Variants in CRTC1 observed in about 807,000 individuals in gnomAD.
CRTC1 encodes CREB-regulated transcription coactivator 1.
A neutral mutation model predicts 66.1 loss-of-function variants in CRTC1; 18 were observed. The observed-to-expected ratio is 0.27, with a 90% confidence interval of 0.19 to 0.40. The LOEUF (loss-of-function observed/expected upper bound fraction) is 0.40, where lower values mean the gene tolerates loss of function less well. CRTC1 is among the 10% of genes least tolerant of loss of function. The pLI, the probability that CRTC1 is intolerant of heterozygous loss-of-function variation, is 1.00. For missense variants in CRTC1, 669 were observed against 887.9 expected (o/e 0.75, Z 3.13); for synonymous variants, 416 against 398.8 (o/e 1.04, Z -0.51).
Position 18,745,928 on chromosome 19 carries a change from C to G in CRTC1, c.349C>G (p.Arg117Gly). The change falls in exon 3 of 14, where the codon CGG (arginine) becomes GGG (glycine). Residue 117 changes from arginine to glycine, a missense_variant. By Grantham distance (125) the Arg-to-Gly change is moderately radical (BLOSUM62 -2). This residue lies in a region of CRTC1 where 214 missense variants were observed against 323.4 expected (regional missense o/e 0.66). Transcript: ENST00000321949. ...ERGRLGSPHR[R>G]PLSVDKHGRQ... ...TGGCCGGCTCGGCTCCCCACACCGC[C>G]GGCCCCTGTCAGTGGACAAACACGG... is the stretch of plus-strand genomic sequence containing the variant. The G allele has an allele frequency of 1.2e-6, 2 of 1,612,528 alleles. No individual in the cohort carries two copies. Among genetic ancestry groups the G allele is most frequent in the Non-Finnish European group, 1.7e-6 (2 of 1,179,316 alleles).
chr19:18,757,888 G>A (rs1013159297), intron 6 of CRTC1, among the ~76,000 whole-genome samples: 22 of 150,470 alleles, frequency 1.5e-4, no homozygotes, highest in Non-Finnish European at 2.8e-4. Flanking sequence ...CGTGGTGGCG[G>A]GTGCCTGTAG....
chr19:18,690,007 G>T (rs1406772217), intron 1 of CRTC1, among the ~76,000 whole-genome samples: 1 of 151,678 alleles, frequency 6.6e-6, no homozygotes, highest in South Asian at 2.1e-4. Context: ...GCTGGAGCAA[G>T]GGGGTGACAG....
chr19:18,777,470 C>T lies in CRTC1; in HGVS notation c.*88C>T, dbSNP rs754665024. 31 of 1,257,188 alleles carry T rather than the reference C, an allele frequency of 2.5e-5. No homozygotes were observed. Among genetic ancestry groups the T allele is most frequent in the African/African-American group, 2.2e-4 (15 of 68,184 alleles). The allele number at this position is 1,257,188 out of a possible 1,614,324, so 77.9% of individuals were successfully genotyped here. On this transcript the variant is annotated 3_prime_UTR_variant, in exon 14 of 14. Coordinates refer to ENST00000321949, the MANE Select transcript of CRTC1 (RefSeq NM_015321.3). The surrounding 1 kb of genome is among the most constrained non-coding windows in gnomAD (Gnocchi z 5.5). ...CCGTGCTCCGTCCCTCGCCAACGGC[C>T]GAGCTTGTGATTCTGAGCTTGCAAT...
Position 18,765,385 on chromosome 19 carries a change from C to G in CRTC1, c.887-19C>G. On this transcript the variant is annotated intron_variant, in intron 8 of 13. Coordinates refer to ENST00000321949, the MANE Select transcript of CRTC1 (RefSeq NM_015321.3). ...ATCAGTCTCACACCTGCTCTCCCTC[C>G]CTCCTACTTCCTCTCTAGGAATGAG... The G allele has an allele frequency of 6.2e-7, 1 of 1,602,050 alleles. No homozygotes were observed.
chr19:18,741,102 G>T lies in CRTC1; in HGVS notation c.127-1808G>T, dbSNP rs1340072679. Among the ~76,000 whole-genome samples, 1 of 152,248 alleles carries T rather than the reference G, an allele frequency of 6.6e-6. No homozygotes were observed. The highest frequency in any genetic ancestry group is 1.5e-5 in the Non-Finnish European group (1 of 68,044). The stretch of plus-strand genomic sequence containing the variant: ...AGGGGCTGTGCTCCGAAGCCTGAGT[G>T]CCTCCAGCAAAGTGGACAGGAGCTG... On this transcript the variant is annotated intron_variant, in intron 1 of 13. Coordinates refer to ENST00000321949, the MANE Select transcript of CRTC1 (RefSeq NM_015321.3). This position sits in a 1 kb window ranked among gnomAD's most constrained non-coding sequence, Gnocchi z 4.2.
chr19:18,754,802 T>C (rs1050876549), intron 6 of CRTC1, among the ~76,000 whole-genome samples: 21 of 152,260 alleles, frequency 1.4e-4, no homozygotes, highest in African/African-American at 5.1e-4. Context: ...GCATAAAACT[T>C]GCAGAGATGC....
intron 1 of CRTC1, among the ~76,000 whole-genome samples, chr19:18,719,526 A>C (rs1027678323): frequency 2.0e-5 from 3 of 152,238 alleles, no homozygotes; most frequent in Non-Finnish European, 2.9e-5. Context: ...TGTCTAAAAA[A>C]TGGAGCATAA....
At chr19:18,709,171 C>T (rs894059526) in intron 1 of CRTC1, among the ~76,000 whole-genome samples, 11 of 152,158 alleles carry the variant, frequency 7.2e-5, no homozygotes, top group African/African-American at 2.7e-4. Context: ...GTGGGCAGAG[C>T]AGCTGCAGAG....
At chr19:18,742,399 G>T (rs1487054370) in intron 1 of CRTC1, among the ~76,000 whole-genome samples, 1 of 152,204 alleles carries the variant, frequency 6.6e-6, no homozygotes, top group South Asian at 2.1e-4. Context: ...TGACTTGGCT[G>T]CCCTGGCTCT....
chr19:18,691,274 G>A (rs2052828866), intron 1 of CRTC1, among the ~76,000 whole-genome samples: 1 of 151,874 alleles, frequency 6.6e-6, no homozygotes, highest in Non-Finnish European at 1.5e-5. Context: ...CCAACATTTT[G>A]AGAGGCTGAG....
Position 18,780,990 on chromosome 19 carries a change from G to C in CRTC1, c.*3608G>C, listed in dbSNP as rs948512384. ...ATTTCCAAGGAGCCCTCCGACCAGG[G>C]AGAGGCTGGTGGAGTAAGGTCCAGC... On this transcript the variant is annotated 3_prime_UTR_variant, in exon 14 of 14. Coordinates refer to ENST00000321949, the MANE Select transcript of CRTC1 (RefSeq NM_015321.3). 1 of 225,092 alleles carries C rather than the reference G, an allele frequency of 4.4e-6. No homozygotes were observed. The highest frequency in any genetic ancestry group is 5.7e-5 in the Admixed American group (1 of 17,494). The allele number at this position is 225,092 out of a possible 1,614,324, so 13.9% of individuals were successfully genotyped here.
At chr19:18,706,134 C>T (rs1555777098) in intron 1 of CRTC1, among the ~76,000 whole-genome samples, 1 of 137,636 alleles carries the variant, frequency 7.3e-6, no homozygotes, top group Non-Finnish European at 1.5e-5. Flanking sequence ...ATCACTTGAC[C>T]ATATATGTGA....
At chr19:18,690,824 G>A (rs2052812555) in intron 1 of CRTC1, among the ~76,000 whole-genome samples, 2 of 151,874 alleles carry the variant, frequency 1.3e-5, no homozygotes, top group Non-Finnish European at 2.9e-5. Flanking sequence ...AGGAGATCGA[G>A]ACCATCCTGG....
chr19:18,763,585 T>C (rs566975933), intron 8 of CRTC1, among the ~76,000 whole-genome samples: 19 of 152,346 alleles, frequency 1.2e-4, no homozygotes, highest in Admixed American at 7.8e-4. Context: ...TGTTAAGTGA[T>C]GCTTGACTGT....
chr19:18,704,794 G>T (rs1457900031), intron 1 of CRTC1, among the ~76,000 whole-genome samples: 1 of 152,154 alleles, frequency 6.6e-6, no homozygotes, highest in Non-Finnish European at 1.5e-5. Flanking sequence ...GTGGCATTTA[G>T]TAAGTATCCT....
At chr19:18,701,217 G>T (rs957777237) in intron 1 of CRTC1, among the ~76,000 whole-genome samples, 2 of 152,258 alleles carry the variant, frequency 1.3e-5, no homozygotes, top group African/African-American at 4.8e-5. Flanking sequence ...CGCCCCCAGA[G>T]CCCGGGGCTC....
intron 4 of CRTC1, 45 bp from the exon 5 acceptor site, chr19:18,749,736 C>G (rs1426121604): frequency 6.6e-7 from 1 of 1,513,010 alleles, no homozygotes; most frequent in Non-Finnish European, 9.2e-7. Context: ...ATCGCATTGT[C>G]TGCCTTGGGC....
At chr19:18,754,830 C>A (rs2054448633) in intron 6 of CRTC1, among the ~76,000 whole-genome samples, 1 of 152,186 alleles carries the variant, frequency 6.6e-6, no homozygotes, top group Non-Finnish European at 1.5e-5. Flanking sequence ...CAGATACCAG[C>A]AGGCAGACCT....
rs758964812 is a variant in CRTC1 at position 18,771,680 on chromosome 19, G to A, written c.1425+134G>A. 4.6e-5 allele frequency: 33 copies of A among 721,760 alleles called. No individual in the cohort carries two copies. Among genetic ancestry groups the A allele is most frequent in the Admixed American group, 7.1e-5 (3 of 42,460 alleles). 44.7% of individuals were successfully genotyped at this position (721,760 alleles called of 1,614,324 possible). ...TCCTCATGCATCCCATCCCGTCCAC[G>A]CCATCGGACCTGAGCTGTGCACCTA... is the stretch of plus-strand genomic sequence containing the variant. On this transcript the variant is annotated intron_variant, in intron 11 of 13. Transcript: ENST00000321949. The surrounding 1 kb of genome is among the most constrained non-coding windows in gnomAD (Gnocchi z 4.6).
Sources: gnomAD v4.1 joint callset for allele counts (sites outside exome capture counted in the v4.1 genomes callset) on GRCh38, gnomAD v4.1.1 for gene constraint, gnomAD v4.1.1 regional missense constraint, Gnocchi (gnomAD v3.1) non-coding constraint, MANE v1.5 for transcripts, NCBI Gene and HGNC (gene_info 2026-07-23, HGNC 2026-07-21) for gene names.